The following PIK3CB variants were observed in gnomAD, a reference collection of about 807,000 sequenced individuals.
The protein encoded by PIK3CB is phosphatidylinositol 4,5-bisphosphate 3-kinase catalytic subunit beta isoform.
A neutral mutation model predicts 136.8 loss-of-function variants in PIK3CB; 39 were observed. That is an observed-to-expected ratio of 0.29 (90% CI 0.22 to 0.37). The LOEUF (loss-of-function observed/expected upper bound fraction) is 0.37. PIK3CB is among the 10% of genes least tolerant of loss of function. PIK3CB has a pLI of 1.00. For missense variants in PIK3CB, 868 were observed against 1,275.4 expected, an observed-to-expected ratio of 0.68 and a Z score of 4.87; for synonymous variants, 428 against 436.6, an observed-to-expected ratio of 0.98 and a Z score of 0.25.
chr3:138,725,401 G>A (rs1433032698), intron 8 of PIK3CB, among the ~76,000 whole-genome samples: 1 of 152,116 alleles, frequency 6.6e-6, no homozygotes, highest in Non-Finnish European at 1.5e-5. Context: ...CTAGTTTCCT[G>A]TGATTATTTC....
intron 1 of PIK3CB, among the ~76,000 whole-genome samples, chr3:138,823,405 GA>G (rs1030742306): frequency 4.8e-4 from 69 of 142,788 alleles, no homozygotes; most frequent in Admixed American, 8.5e-4. Context: ...ACTGGCTACA[GA>G]AAAAAAAAAA....
intron 13 of PIK3CB, among the ~76,000 whole-genome samples, chr3:138,696,784 T>C (rs1242352172): frequency 2.0e-5 from 3 of 152,208 alleles, no homozygotes; most frequent in South Asian, 2.1e-4. Flanking sequence ...AAGGCCCTAA[T>C]GGACCAGCAG....
rs529629393 is a variant in PIK3CB at position 138,799,426 on chromosome 3, G to A, written c.-121-2859C>T. On this transcript the variant is annotated intron_variant, in intron 1 of 23. Transcript: ENST00000674063. ...GAACTCCTGACCTTGTGATCTGCTC[G>A]CCTCAGCTTCCCAAAGTCAAATCTT... 3.4e-4 allele frequency among the ~76,000 whole-genome samples: 51 copies of A among 151,530 alleles called. No homozygotes were observed. The Middle Eastern group carries it at 0.01, about 31-fold the overall frequency.
At chr3:138,784,189 C>T (rs1043674119) in intron 2 of PIK3CB, among the ~76,000 whole-genome samples, 2 of 152,166 alleles carry the variant, frequency 1.3e-5, no homozygotes, top group South Asian at 4.1e-4. Context: ...AGTTTGAGAC[C>T]AGCCTGACCA....
rs149070591 is a variant in PIK3CB at position 138,732,986 on chromosome 3, T to C, written c.1050+375A>G. 3.5e-3 allele frequency among the ~76,000 whole-genome samples: 526 copies of C among 151,608 alleles called. 8 individuals are homozygous for C. The highest frequency in any genetic ancestry group is 0.029 in the Admixed American group (445 of 15,210). On this transcript the variant is annotated intron_variant, in intron 8 of 23. Transcript: ENST00000674063. ...GTCTTCGGGTTGTACATTAGCTCTC[T>C]AGAATTATTCAACCAAGATAACTCT...
chr3:138,762,068 G>A (rs369404375), intron 2 of PIK3CB, among the ~76,000 whole-genome samples: 1 of 151,646 alleles, frequency 6.6e-6, no homozygotes, highest in Non-Finnish European at 1.5e-5. Context: ...CTGACATGGC[G>A]AAACCCTGTC....
intron 1 of PIK3CB, among the ~76,000 whole-genome samples, chr3:138,832,743 C>T (rs1322063992): frequency 6.7e-6 from 1 of 150,032 alleles, no homozygotes; most frequent in Non-Finnish European, 1.5e-5. Flanking sequence ...GCAGGAGAAT[C>T]GCTTGAACCC....
chr3:138,660,002 C>T (rs1426117460), intron 21 of PIK3CB, among the ~76,000 whole-genome samples: 1 of 149,492 alleles, frequency 6.7e-6, no homozygotes, highest in East Asian at 2.0e-4. Flanking sequence ...TCTGGAATAT[C>T]CATTAGGCTG....
In PIK3CB at chr3:138,660,252, G is replaced by A. The variant is rs369515898; in HGVS notation, c.2797-2417C>T. Among the ~76,000 whole-genome samples, 7 of 152,142 alleles carry A rather than the reference G, an allele frequency of 4.6e-5. No homozygotes were observed. The South Asian group carries it at 1.5e-3, about 32-fold the overall frequency. ...CTGAAGGCATTAGATTATATATAAAGCACTTACAACTATGCCTGCCACAAA... is the reference window on the plus strand; with the variant it reads ...CTGAAGGCATTAGATTATATATAAAACACTTACAACTATGCCTGCCACAAA... On this transcript the variant is annotated intron_variant, in intron 21 of 23. Transcript: ENST00000674063.
intron 1 of PIK3CB, among the ~76,000 whole-genome samples, chr3:138,800,571 G>A (rs188681326): frequency 0.017 from 2,127 of 123,480 alleles, 47 homozygotes; most frequent in Middle Eastern, 0.062. Flanking sequence ...CCCACCTCAG[G>A]CTCTGAAAGT....
chr3:138,809,231 C>A (rs1466390359), intron 1 of PIK3CB, among the ~76,000 whole-genome samples: 1 of 151,102 alleles, frequency 6.6e-6, no homozygotes, highest in Non-Finnish European at 1.5e-5. Flanking sequence ...TGAACCGAGA[C>A]TGCGCCACTG....
At chr3:138,820,170 C>CT (rs758951040) in intron 1 of PIK3CB, among the ~76,000 whole-genome samples, 43 of 152,138 alleles carry the variant, frequency 2.8e-4, no homozygotes, top group Non-Finnish European at 5.7e-4. Flanking sequence ...CATGACTGGC[C>CT]TTTGCACACT....
chr3:138,714,431 T>C (rs1341154688), intron 9 of PIK3CB, 37 bp downstream of exon 9: 1 of 1,427,544 alleles, frequency 7.0e-7, no homozygotes, highest in South Asian at 1.3e-5. Context: ...ATTATTCCGT[T>C]ATATAAAACA....
chr3:138,684,475 T>C, intron 17 of PIK3CB, 150 bp downstream of exon 17: 1 of 473,618 alleles, frequency 2.1e-6, no homozygotes, highest in Non-Finnish European at 3.7e-6. Context: ...CTATTGAATA[T>C]AAGCATAGCC....
intron 2 of PIK3CB, among the ~76,000 whole-genome samples, chr3:138,787,276 G>GA (rs1488398794): frequency 2.0e-5 from 3 of 150,190 alleles, no homozygotes; most frequent in Non-Finnish European, 4.4e-5. Flanking sequence ...TGAGGCAGGA[G>GA]AATTGCTTGA....
chr3:138,810,489 C>T (rs890380003), intron 1 of PIK3CB, among the ~76,000 whole-genome samples: 1 of 151,868 alleles, frequency 6.6e-6, no homozygotes, highest in Non-Finnish European at 1.5e-5. Context: ...TGGCACTTTA[C>T]TTCCGTGGTC....
At position 138,672,269 on chromosome 3, in the gene PIK3CB, GA is replaced by G. The variant is rs376872101; in HGVS notation, c.2505-7067del. Among the ~76,000 whole-genome samples, 400 of 144,792 alleles carry G rather than the reference GA, an allele frequency of 2.8e-3. 1 individual carries two copies. Among genetic ancestry groups the G allele is most frequent in the African/African-American group, 7.8e-3 (309 of 39,686 alleles). 95.0% of individuals were successfully genotyped at this position (144,792 alleles called of 152,430 possible). A position where few individuals can be genotyped will look rare whatever the true frequency, so the allele number is the denominator to read the frequency against. On this transcript the variant is annotated intron_variant, in intron 19 of 23. Transcript: ENST00000674063. ...TCTACCCCAGAAACTGGGTAGGCAA[GA>G]AAAAAAAAAAGTTTCATGTAAGTGC... is the stretch of plus-strand genomic sequence containing the variant.
At chr3:138,705,155 C>CAAAAAAA (rs1312893752) in intron 11 of PIK3CB, among the ~76,000 whole-genome samples, 324 of 28,606 alleles carry the variant, frequency 0.011, 8 homozygotes, top group South Asian at 0.016. Context: ...ATTAGAAAGG[C>CAAAAAAA]AAAAAAAAAA....
At chr3:138,713,543 T>C (rs1049496718) in intron 9 of PIK3CB, among the ~76,000 whole-genome samples, 5 of 151,894 alleles carry the variant, frequency 3.3e-5, no homozygotes, top group African/African-American at 1.2e-4. Context: ...TGGTAACGGG[T>C]GCCTGTAACC....
Sources: gnomAD v4.1 joint callset for allele counts (sites outside exome capture counted in the v4.1 genomes callset) on GRCh38, gnomAD v4.1.1 for gene constraint, MANE v1.5 for transcripts, NCBI Gene and HGNC (gene_info 2026-07-23, HGNC 2026-07-21) for gene names.